Variants in AHCYL2 observed in about 807,000 individuals in gnomAD.
AHCYL2 encodes the protein S-adenosylhomocysteine hydrolase-like protein 2.
Under a neutral mutation model 81.4 loss-of-function variants are expected in AHCYL2, and 28 were observed. The observed-to-expected ratio is 0.34, with a 90% CI of 0.25 to 0.47. The LOEUF is 0.47. Ranked by LOEUF, AHCYL2 falls within the 20% of genes least tolerant of loss-of-function variation. The pLI is 1.00. For synonymous variants in AHCYL2, 272 were observed against 290.2 expected, an observed-to-expected ratio of 0.94 and a Z score of 0.64; for missense variants, 551 against 785.1, an observed-to-expected ratio of 0.70 and a Z score of 3.56.
Position 129,260,058 on chromosome 7 carries a change from G to A in AHCYL2, c.363+34619G>A, listed in dbSNP as rs1166464618. Among the ~76,000 whole-genome samples the A allele has an allele frequency of 2.0e-5, 3 of 148,944 alleles. No individual in the cohort carries two copies. In the East Asian group the frequency reaches 5.9e-4, roughly 29 times the overall value. ...GCCTTTGCCCTCCAGCCTGGGCAACGTGAGTGAAACTCCATCTCAAAAAAA... is the reference window on the plus strand; with the variant it reads ...GCCTTTGCCCTCCAGCCTGGGCAACATGAGTGAAACTCCATCTCAAAAAAA... On this transcript the variant is annotated intron_variant, in intron 1 of 16. Transcript: ENST00000325006.
chr7:129,232,966 G>C, intron 1 of AHCYL2, among the ~76,000 whole-genome samples: 1 of 152,130 alleles, frequency 6.6e-6, no homozygotes, highest in East Asian at 1.9e-4. Context: ...GTAGAACTTG[G>C]AGTGATGTAC....
In AHCYL2 at chr7:129,406,263, C is replaced by G; in HGVS notation, c.1207-115C>G. ...CTTCTCGTTTTCCCCAAGTATGAAT[C>G]TATTCAGTGAAATTCCTCTCGGGGG... On this transcript the variant is annotated intron_variant, in intron 9 of 16. Transcript: ENST00000325006. The surrounding 1 kb of genome is among the most constrained non-coding windows in gnomAD (Gnocchi z 4.3). 1.2e-6 allele frequency: 1 copy of G among 859,620 alleles called. No homozygotes were observed. Among genetic ancestry groups the G allele is most frequent in the Non-Finnish European group, 1.9e-6 (1 of 533,424 alleles). 53.2% of individuals were successfully genotyped at this position (859,620 alleles called of 1,614,324 possible).
At position 129,368,638 on chromosome 7, in the gene AHCYL2, A is replaced by G. The variant is rs1421185810; in HGVS notation, c.364-11000A>G. 4 of 1,498,582 alleles carry G rather than the reference A, an allele frequency of 2.7e-6. No individual in the cohort carries two copies. In the East Asian group the frequency reaches 9.0e-5, roughly 34 times the overall value. The allele number at this position is 1,498,582 out of a possible 1,614,324, so 92.8% of individuals were successfully genotyped here. A position where few individuals can be genotyped will look rare whatever the true frequency, so the allele number is the denominator to read the frequency against. On this transcript the variant is annotated intron_variant, in intron 1 of 16. Transcript: ENST00000325006. This position sits in a 1 kb window ranked among gnomAD's most constrained non-coding sequence, Gnocchi z 4.4. ...TGACGGGTGACAAGGATCACCTCTGAGAAGCTCCTACCAAGATCCGTGGTT... is the reference window on the plus strand; with the variant it reads ...TGACGGGTGACAAGGATCACCTCTGGGAAGCTCCTACCAAGATCCGTGGTT...
At chr7:129,402,800 C>G (rs1796097607) in intron 6 of AHCYL2, among the ~76,000 whole-genome samples, 1 of 152,110 alleles carries the variant, frequency 6.6e-6, no homozygotes, top group Non-Finnish European at 1.5e-5. Flanking sequence ...TAGGCAAAAC[C>G]CTACAGTGCT....
chr7:129,243,001 T>A (rs1277461589), intron 1 of AHCYL2, among the ~76,000 whole-genome samples: 1 of 151,314 alleles, frequency 6.6e-6, no homozygotes, highest in East Asian at 1.9e-4. Flanking sequence ...CGTTTTCTTA[T>A]CGACTATATT....
At chr7:129,405,277 T>G in intron 8 of AHCYL2, 64 bp downstream of exon 8, 2 of 1,315,454 alleles carry the variant, frequency 1.5e-6, no homozygotes, top group Admixed American at 2.1e-5. Context: ...TTTTTTGGCT[T>G]TGGTTATTTC....
At position 129,428,893 on chromosome 7, in the gene AHCYL2, T is replaced by A. The variant is rs1797467794; in HGVS notation, c.*1848T>A. On this transcript the variant is annotated 3_prime_UTR_variant, in exon 17 of 17. Coordinates refer to ENST00000325006, the MANE Select transcript of AHCYL2 (RefSeq NM_015328.4). ...AGATCATAAATGCTAAAAATTCCACTAAGCCATTCAGTTCTTCCTTTTGCC... is the reference window on the plus strand; with the variant it reads ...AGATCATAAATGCTAAAAATTCCACAAAGCCATTCAGTTCTTCCTTTTGCC... 1 of 152,240 alleles carries A rather than the reference T, an allele frequency of 6.6e-6. No homozygotes were observed. The highest frequency in any genetic ancestry group is 2.4e-5 in the African/African-American group (1 of 41,466). 9.4% of individuals were successfully genotyped at this position (152,240 alleles called of 1,614,324 possible). A position where few individuals can be genotyped will look rare whatever the true frequency, so the allele number is the denominator to read the frequency against.
At chr7:129,378,882 A>T (rs2150882905) in intron 1 of AHCYL2, among the ~76,000 whole-genome samples, 1 of 152,354 alleles carries the variant, frequency 6.6e-6, no homozygotes. Context: ...GTGAAACTGT[A>T]TAAAATATTT....
At chr7:129,415,799 A>C (rs954166311) in intron 12 of AHCYL2, among the ~76,000 whole-genome samples, 1 of 152,120 alleles carries the variant, frequency 6.6e-6, no homozygotes, top group Non-Finnish European at 1.5e-5. Flanking sequence ...AAAAATAAAA[A>C]AAAACAAAAT....
At chr7:129,238,161 C>A (rs1794706523) in intron 1 of AHCYL2, among the ~76,000 whole-genome samples, 1 of 152,124 alleles carries the variant, frequency 6.6e-6, no homozygotes, top group Non-Finnish European at 1.5e-5. Flanking sequence ...AGAAGAAATT[C>A]TTTTCCTGGA....
chr7:129,341,259 G>A (rs1036675111), intron 1 of AHCYL2, among the ~76,000 whole-genome samples: 1 of 152,152 alleles, frequency 6.6e-6, no homozygotes, highest in Non-Finnish European at 1.5e-5. Context: ...AGCTTCTAGG[G>A]GTAGCAAGTG....
Position 129,229,143 on chromosome 7 carries a change from C to T in AHCYL2, c.363+3704C>T, listed in dbSNP as rs552246080. Among the ~76,000 whole-genome samples the T allele has an allele frequency of 9.5e-4, 144 of 151,978 alleles. 1 individual carries two copies. Among genetic ancestry groups the T allele is most frequent in the African/African-American group, 3.3e-3 (137 of 41,358 alleles). On this transcript the variant is annotated intron_variant, in intron 1 of 16. Transcript: ENST00000325006. ...AGTGCAATGGTGCAATCTCAGCTCA[C>T]CGCAACCTCCGCCTCCCGGGTTCAA... is the stretch of plus-strand genomic sequence containing the variant.
chr7:129,308,292 T>C (rs1187673587), intron 1 of AHCYL2, among the ~76,000 whole-genome samples: 1 of 152,150 alleles, frequency 6.6e-6, no homozygotes, highest in Non-Finnish European at 1.5e-5. Flanking sequence ...GTGATTCCCC[T>C]CTGGCTAGGG....
chr7:129,300,456 T>A (rs1217134682), intron 1 of AHCYL2, among the ~76,000 whole-genome samples: 1 of 152,224 alleles, frequency 6.6e-6, no homozygotes, highest in African/African-American at 2.4e-5. Context: ...TGATTCATGT[T>A]GTTGCAAATG....
chr7:129,296,988 G>A (rs552407560), intron 1 of AHCYL2, among the ~76,000 whole-genome samples: 67 of 152,224 alleles, frequency 4.4e-4, no homozygotes, highest in Admixed American at 2.1e-3. Context: ...TAGAGTTTTC[G>A]GAAGCTTAAA....
intron 1 of AHCYL2, among the ~76,000 whole-genome samples, chr7:129,301,006 A>G (rs980144516): frequency 2.0e-5 from 3 of 152,080 alleles, no homozygotes; most frequent in African/African-American, 7.2e-5. Context: ...TTTAGTGAAG[A>G]TGTGGTTTCA....
At chr7:129,254,082 C>CTGTCTTTGAGA (rs1188331650) in intron 1 of AHCYL2, among the ~76,000 whole-genome samples, 1 of 152,028 alleles carries the variant, frequency 6.6e-6, no homozygotes, top group East Asian at 1.9e-4. Flanking sequence ...AGTTTTTTAC[C>CTGTCTTTGAGA]TGTCTTTGAG....
At chr7:129,229,061 C>CT (rs59291148) in intron 1 of AHCYL2, among the ~76,000 whole-genome samples, 66 of 144,806 alleles carry the variant, frequency 4.6e-4, no homozygotes, top group African/African-American at 1.7e-3. Flanking sequence ...AATAATTAGC[C>CT]TTTTTTTTTT....
chr7:129,360,119 A>T (rs1228356074), intron 1 of AHCYL2, among the ~76,000 whole-genome samples: 8 of 141,966 alleles, frequency 5.6e-5, no homozygotes, highest in African/African-American at 1.6e-4. Context: ...TTTAATTTTA[A>T]TTTTTTTTTT....
Sources: allele counts gnomAD v4.1 joint callset (sites outside exome capture counted in the v4.1 genomes callset), GRCh38; gene constraint gnomAD v4.1.1; non-coding constraint Gnocchi (gnomAD v3.1); transcripts MANE v1.5; gene names NCBI Gene and HGNC (gene_info 2026-07-23, HGNC 2026-07-21).